FGF12: variants seen among roughly 807,000 people sequenced by gnomAD.
FGF12 encodes the protein fibroblast growth factor 12B.
FGF12 carries 14 observed loss-of-function variants against 23.6 expected under a neutral mutation model. That is an observed-to-expected ratio of 0.59 (90% CI 0.39 to 0.93). FGF12 has a LOEUF of 0.93. FGF12 is among the 40% of genes least tolerant of loss of function. The pLI is 0.00. For missense variants in FGF12, 175 were observed against 217.8 expected (o/e 0.80, Z 1.24); for synonymous variants, 62 against 77.3 (o/e 0.80, Z 1.04).
In FGF12 at chr3:192,408,682, A is replaced by G; in HGVS notation, c.14-48144T>C. On this transcript the variant is annotated intron_variant, in intron 2 of 5. Transcript: ENST00000445105. The surrounding 1 kb of genome is among the most constrained non-coding windows in gnomAD (Gnocchi z 7.3). Reference sequence around the variant, plus strand: ...GTGTCCAAAGTATACCTACACATACATACATAGAAAACCCGTTTACAAAGC... The same window carrying G: ...GTGTCCAAAGTATACCTACACATACGTACATAGAAAACCCGTTTACAAAGC... The G allele has an allele frequency of 4.0e-6, 4 of 993,796 alleles. No individual in the cohort carries two copies. The highest frequency in any genetic ancestry group is 1.7e-5 in the African/African-American group (1 of 57,588). 61.6% of individuals were successfully genotyped at this position (993,796 alleles called of 1,614,324 possible). A position where few individuals can be genotyped will look rare whatever the true frequency, so the allele number is the denominator to read the frequency against.
chr3:192,335,653 G>A (rs1033153400), intron 3 of FGF12, among the ~76,000 whole-genome samples, 189 bp from the exon 4 acceptor site: 8 of 152,088 alleles, frequency 5.3e-5, no homozygotes, highest in Non-Finnish European at 7.4e-5. Flanking sequence ...AATTACCTAT[G>A]TAACTTCAGG....
At chr3:192,545,871 C>G (rs1002307568) in intron 2 of FGF12, among the ~76,000 whole-genome samples, 10 of 152,186 alleles carry the variant, frequency 6.6e-5, no homozygotes, top group Admixed American at 4.6e-4. Flanking sequence ...AACCACTTGG[C>G]TACACTCTCT....
chr3:192,204,199 G>A (rs368715976), intron 4 of FGF12, among the ~76,000 whole-genome samples: 22 of 152,166 alleles, frequency 1.4e-4, no homozygotes, highest in South Asian at 4.2e-4. Context: ...CCCCACACAC[G>A]GCAGATCTGA....
chr3:192,614,375 G>C (rs1259367286), intron 2 of FGF12, among the ~76,000 whole-genome samples: 1 of 151,838 alleles, frequency 6.6e-6, no homozygotes, highest in Non-Finnish European at 1.5e-5. Context: ...TATTCAGAAT[G>C]CTTTTAATTG....
intron 2 of FGF12, among the ~76,000 whole-genome samples, chr3:192,627,272 G>A (rs780282038): frequency 1.2e-3 from 185 of 151,198 alleles, no homozygotes; most frequent in Middle Eastern, 3.4e-3. Flanking sequence ...TTGTCTCAGG[G>A]GCATTTCTCC....
chr3:192,376,861 T>C (rs554827998), intron 2 of FGF12, among the ~76,000 whole-genome samples: 1 of 152,360 alleles, frequency 6.6e-6, no homozygotes, highest in East Asian at 1.9e-4. Context: ...ATGGTTTATA[T>C]CCTTGTATGG....
At chr3:192,403,978 G>C (rs1282353435) in intron 2 of FGF12, among the ~76,000 whole-genome samples, 1 of 152,062 alleles carries the variant, frequency 6.6e-6, no homozygotes, top group Non-Finnish European at 1.5e-5. Flanking sequence ...GACTCAGAAA[G>C]ATAAGGTAAA....
intron 4 of FGF12, among the ~76,000 whole-genome samples, chr3:192,298,474 G>C (rs1277313109): frequency 6.6e-6 from 1 of 152,206 alleles, no homozygotes; most frequent in Non-Finnish European, 1.5e-5. Flanking sequence ...ATTTTGGCCA[G>C]TCACAGTGGC....
intron 2 of FGF12, among the ~76,000 whole-genome samples, chr3:192,496,102 G>C (rs957901246): frequency 6.6e-6 from 1 of 152,166 alleles, no homozygotes; most frequent in African/African-American, 2.4e-5. Flanking sequence ...GCAGCCTCTA[G>C]TCACAAATGC....
chr3:192,447,039 T>C (rs1704249028), intron 2 of FGF12, among the ~76,000 whole-genome samples: 1 of 152,244 alleles, frequency 6.6e-6, no homozygotes, highest in Admixed American at 6.5e-5. Flanking sequence ...TAGATAAACT[T>C]TCCTAATACT....
intron 2 of FGF12, among the ~76,000 whole-genome samples, chr3:192,634,467 A>G (rs1336438791): frequency 1.3e-5 from 2 of 152,224 alleles, no homozygotes; most frequent in African/African-American, 4.8e-5. Context: ...TGCAAATACT[A>G]CACCATTTTA....
intron 2 of FGF12, among the ~76,000 whole-genome samples, chr3:192,530,749 T>C (rs1366898911): frequency 6.6e-6 from 1 of 152,162 alleles, no homozygotes; most frequent in Non-Finnish European, 1.5e-5. Context: ...TGCATAGACT[T>C]ATACATATAC....
intron 4 of FGF12, among the ~76,000 whole-genome samples, chr3:192,216,102 C>A (rs1227377822): frequency 6.6e-6 from 1 of 152,260 alleles, no homozygotes; most frequent in South Asian, 2.1e-4. Flanking sequence ...ATTTACTTTC[C>A]TCTGAAACCA....
chr3:192,330,308 G>T (rs555010247), intron 4 of FGF12, among the ~76,000 whole-genome samples: 4 of 152,016 alleles, frequency 2.6e-5, no homozygotes, highest in Non-Finnish European at 5.9e-5. Context: ...GCTGTAGGTC[G>T]CACACCTTCT....
chr3:192,539,788 C>T (rs886545837), intron 2 of FGF12, among the ~76,000 whole-genome samples: 2 of 151,836 alleles, frequency 1.3e-5, no homozygotes, highest in African/African-American at 4.8e-5. Context: ...CCAGGCTTTT[C>T]GTTGCTGGGT....
At chr3:192,702,686 G>C (rs1371078856) in intron 2 of FGF12, among the ~76,000 whole-genome samples, 1 of 152,072 alleles carries the variant, frequency 6.6e-6, no homozygotes, top group Non-Finnish European at 1.5e-5. Context: ...TAGCTACTCG[G>C]GAGGCTGAGG....
intron 2 of FGF12, among the ~76,000 whole-genome samples, chr3:192,459,228 T>G (rs1722779451): frequency 6.6e-6 from 1 of 152,224 alleles, no homozygotes; most frequent in Admixed American, 6.5e-5. Context: ...AGAATTAAAT[T>G]ATCAAATACT....
intron 2 of FGF12, among the ~76,000 whole-genome samples, chr3:192,369,801 CACAT>C (rs1197772965): frequency 6.6e-6 from 1 of 152,174 alleles, no homozygotes; most frequent in Non-Finnish European, 1.5e-5. Context: ...ATCAAGGAGA[CACAT>C]ACACAACTAA....
chr3:192,190,625 G>A (rs899196358), intron 4 of FGF12, among the ~76,000 whole-genome samples: 2 of 151,566 alleles, frequency 1.3e-5, no homozygotes, highest in Non-Finnish European at 2.9e-5. Flanking sequence ...ACAGGTGCCC[G>A]CCACCGCGCC....
Sources: gnomAD v4.1 joint callset for allele counts (sites outside exome capture counted in the v4.1 genomes callset) on GRCh38, gnomAD v4.1.1 for gene constraint, Gnocchi (gnomAD v3.1) non-coding constraint, MANE v1.5 for transcripts, NCBI Gene and HGNC (gene_info 2026-07-23, HGNC 2026-07-21) for gene names.